CSMD3: variants seen among roughly 807,000 people sequenced by gnomAD.
The protein encoded by CSMD3 is CUB and Sushi multiple domains 3, also known as CUB and sushi domain-containing protein 3.
Under a neutral mutation model 435.2 loss-of-function variants are expected in CSMD3, and 177 were observed. The ratio of observed to expected loss-of-function variants is 0.41; its 90% CI spans 0.36 to 0.46. The LOEUF is 0.46. CSMD3 is among the 20% of genes least tolerant of loss of function. The pLI is 0.34. For missense variants in CSMD3, 4,265 were observed against 4,504.6 expected, an observed-to-expected ratio of 0.95 and a Z score of 1.52; for synonymous variants, 1,656 against 1,520.5, an observed-to-expected ratio of 1.09 and a Z score of -2.07.
intron 22 of CSMD3, among the ~76,000 whole-genome samples, chr8:112,603,845 G>A (rs1416224007): frequency 6.6e-6 from 1 of 152,064 alleles, no homozygotes; most frequent in Non-Finnish European, 1.5e-5. Flanking sequence ...TTGTTCAAGT[G>A]TCAACTGCAT....
chr8:113,151,156 A>G (rs960295866), intron 4 of CSMD3, among the ~76,000 whole-genome samples: 7 of 151,974 alleles, frequency 4.6e-5, no homozygotes, highest in Non-Finnish European at 8.8e-5. Context: ...AATAGGTTCA[A>G]AGTTATCACA....
intron 1 of CSMD3, among the ~76,000 whole-genome samples, chr8:113,414,932 C>A (rs1039175105): frequency 1.3e-5 from 2 of 152,112 alleles, no homozygotes; most frequent in Non-Finnish European, 2.9e-5. Flanking sequence ...TGCCACTGCG[C>A]TCCAGCCTGG....
chr8:112,644,674 T>C lies in CSMD3; in HGVS notation c.3310+435A>G, dbSNP rs573243531. On this transcript the variant is annotated intron_variant, in intron 20 of 70. Coordinates refer to ENST00000297405, the MANE Select transcript of CSMD3 (RefSeq NM_198123.2). ...TGGCTATAAATTTATATAGAGAATA[T>C]AATTGTTACAAACAATTATAAACAA... 3.3e-5 allele frequency among the ~76,000 whole-genome samples: 5 copies of C among 152,210 alleles called. No homozygotes were observed. The East Asian group carries it at 7.8e-4, about 24-fold the overall frequency.
chr8:113,432,773 C>A (rs1276327680), intron 1 of CSMD3, among the ~76,000 whole-genome samples: 1 of 152,346 alleles, frequency 6.6e-6, no homozygotes, highest in Non-Finnish European at 1.5e-5. Flanking sequence ...ACTTCTACTT[C>A]ATCGTGACAG....
chr8:112,842,065 C>T (rs2080192773), intron 11 of CSMD3, among the ~76,000 whole-genome samples: 1 of 151,766 alleles, frequency 6.6e-6, no homozygotes, highest in African/African-American at 2.4e-5. Flanking sequence ...AGGGCAAGTG[C>T]TGTGGGTAAC....
intron 24 of CSMD3, among the ~76,000 whole-genome samples, chr8:112,560,067 T>C (rs1247375073): frequency 1.3e-5 from 2 of 151,842 alleles, no homozygotes; most frequent in Non-Finnish European, 2.9e-5. Flanking sequence ...AAAAAGTGTA[T>C]ATTAGCTCAC....
chr8:113,034,347 A>G (rs925644095), intron 5 of CSMD3, among the ~76,000 whole-genome samples: 1 of 151,700 alleles, frequency 6.6e-6, no homozygotes, highest in African/African-American at 2.4e-5. Context: ...TATATTCGGC[A>G]ATAAAAATGA....
At position 112,764,092 on chromosome 8, in the gene CSMD3, T is replaced by TA. The variant is rs761094706; in HGVS notation, c.1972+36069dup. On this transcript the variant is annotated intron_variant, in intron 13 of 70. Transcript: ENST00000297405. ...AACGAACCACTTCCAACAGGATTAATACAAGTGACATTTCAGCAATTTCTA... is the reference window on the plus strand; with the variant it reads ...AACGAACCACTTCCAACAGGATTAATAACAAGTGACATTTCAGCAATTTCTA... Among the ~76,000 whole-genome samples, 100 of 151,634 alleles carry TA rather than the reference T, an allele frequency of 6.6e-4. 1 individual carries two copies. Among genetic ancestry groups the TA allele is most frequent in the Non-Finnish European group, 9.0e-4 (61 of 67,588 alleles).
intron 24 of CSMD3, among the ~76,000 whole-genome samples, chr8:112,558,493 C>T (rs890363746): frequency 6.6e-6 from 1 of 151,876 alleles, no homozygotes; most frequent in Non-Finnish European, 1.5e-5. Flanking sequence ...TAAAAACAGA[C>T]AGTTTTTACG....
intron 17 of CSMD3, among the ~76,000 whole-genome samples, chr8:112,658,408 GTC>G (rs2075304755): frequency 6.6e-6 from 1 of 151,952 alleles, no homozygotes; most frequent in South Asian, 2.1e-4. Flanking sequence ...TATCGTATCA[GTC>G]TCTGATATTA....
intron 10 of CSMD3, among the ~76,000 whole-genome samples, chr8:112,883,864 T>C (rs886087030): frequency 2.0e-5 from 2 of 97,794 alleles, no homozygotes; most frequent in East Asian, 1.3e-3. Flanking sequence ...GTGAGATTAG[T>C]ATAAAAAATC....
intron 13 of CSMD3, among the ~76,000 whole-genome samples, chr8:112,772,653 A>G (rs934496471): frequency 6.6e-6 from 1 of 151,986 alleles, no homozygotes; most frequent in African/African-American, 2.4e-5. Flanking sequence ...TGTAGTGGAG[A>G]TAAGAGGAAG....
At chr8:112,738,402 A>C (rs2077231985) in intron 13 of CSMD3, among the ~76,000 whole-genome samples, 1 of 151,814 alleles carries the variant, frequency 6.6e-6, no homozygotes. Flanking sequence ...GAAATTATTC[A>C]CTAATGAACT....
At chr8:113,351,563 T>A (rs2094190580) in intron 1 of CSMD3, among the ~76,000 whole-genome samples, 1 of 152,092 alleles carries the variant, frequency 6.6e-6, no homozygotes, top group Admixed American at 6.6e-5. Flanking sequence ...ATAAGATGCA[T>A]GCATTTAAAT....
At chr8:112,804,828 C>T (rs1278999338) in intron 12 of CSMD3, among the ~76,000 whole-genome samples, 1 of 151,908 alleles carries the variant, frequency 6.6e-6, no homozygotes, top group African/African-American at 2.4e-5. Flanking sequence ...CCACACCCAG[C>T]TAATTTTTGT....
In CSMD3 at chr8:112,311,075, A is replaced by T. The variant is rs1357236092; in HGVS notation, c.7788T>A (p.Cys2596Ter). Residue 2596 changes from cysteine to a stop codon, truncating the protein, a stop_gained, in exon 50 of 71, where the codon TGT becomes TGA. Transcript: ENST00000297405. LOFTEE classifies it high-confidence loss of function. ...GQLNSVVRWA[C>*]DRGFRLVGKS... is the part of the protein sequence containing the mutation. Reference sequence around the variant, plus strand: ...TTCCAACAAGTCGGAATCCTCGATCACAGGCCCAACGGACCACACTGTTAA... The same window carrying T: ...TTCCAACAAGTCGGAATCCTCGATCTCAGGCCCAACGGACCACACTGTTAA... 1 of 1,614,012 alleles carries T rather than the reference A, an allele frequency of 6.2e-7. No individual in the cohort carries two copies. Among genetic ancestry groups the T allele is most frequent in the African/African-American group, 1.3e-5 (1 of 74,924 alleles).
At chr8:112,470,389 A>G (rs1355530890) in intron 32 of CSMD3, among the ~76,000 whole-genome samples, 1 of 152,098 alleles carries the variant, frequency 6.6e-6, no homozygotes, top group East Asian at 1.9e-4. Context: ...TATGCATGTG[A>G]CTTACTATGT....
intron 6 of CSMD3, among the ~76,000 whole-genome samples, chr8:113,014,399 C>G (rs780969354): frequency 1.4e-4 from 22 of 152,008 alleles, no homozygotes; most frequent in Non-Finnish European, 2.9e-4. Context: ...GCCATCATGC[C>G]TCATATGCCT....
intron 1 of CSMD3, chr8:113,377,116 G>T (rs1272150172): frequency 1.6e-6 from 2 of 1,266,026 alleles, no homozygotes; most frequent in East Asian, 8.9e-5. Context: ...CTGCGGCGTC[G>T]TCCGGCTCTC....
Sources: allele counts gnomAD v4.1 joint callset (sites outside exome capture counted in the v4.1 genomes callset), GRCh38; gene constraint gnomAD v4.1.1; transcripts MANE v1.5; gene names NCBI Gene and HGNC (gene_info 2026-07-23, HGNC 2026-07-21).